The following NXPH1 variants were observed in gnomAD, a reference collection of about 807,000 sequenced individuals.
NXPH1 encodes the protein neurexophilin 1.
Under a neutral mutation model 23.7 loss-of-function variants are expected in NXPH1, and 5 were observed. That is an observed-to-expected ratio of 0.21 (90% confidence interval 0.11 to 0.44). The LOEUF (loss-of-function observed/expected upper bound fraction) is 0.44, where lower values mean the gene tolerates loss of function less well. Among genes scored for constraint, NXPH1 ranks in the 20% least tolerant of loss-of-function variants. The probability of loss-of-function intolerance (pLI) is 0.99; values close to 1 mark genes in which losing one functional copy is unlikely to be tolerated. For synonymous variants in NXPH1, 144 were observed against 122.2 expected (o/e 1.18, Z -1.18); for missense variants, 324 against 321.6 (o/e 1.01, Z -0.06).
At chr7:8,499,567 A>G (rs558582064) in intron 2 of NXPH1, among the ~76,000 whole-genome samples, 1 of 152,230 alleles carries the variant, frequency 6.6e-6, no homozygotes, top group Non-Finnish European at 1.5e-5. Flanking sequence ...GTGCAAAAAT[A>G]AGGGTACAAG....
chr7:8,622,622 A>T (rs531777727), intron 2 of NXPH1, among the ~76,000 whole-genome samples: 7 of 152,286 alleles, frequency 4.6e-5, no homozygotes, highest in African/African-American at 1.4e-4. Flanking sequence ...TTCAAACTGA[A>T]AGTTTGAATT....
intron 2 of NXPH1, among the ~76,000 whole-genome samples, chr7:8,611,318 C>A (rs954032651): frequency 6.6e-6 from 1 of 152,164 alleles, no homozygotes; most frequent in South Asian, 2.1e-4. Flanking sequence ...TTTCAATTAC[C>A]TCTGTCTTCC....
chr7:8,440,859 T>C (rs1816284517), intron 2 of NXPH1, among the ~76,000 whole-genome samples: 1 of 152,184 alleles, frequency 6.6e-6, no homozygotes, highest in Admixed American at 6.5e-5. Context: ...AAGGTGCTTG[T>C]CAGCTTCACC....
At chr7:8,492,353 C>T (rs1584191246) in intron 2 of NXPH1, among the ~76,000 whole-genome samples, 1 of 151,966 alleles carries the variant, frequency 6.6e-6, no homozygotes, top group Non-Finnish European at 1.5e-5. Flanking sequence ...TCTGAGTTTG[C>T]TTTTGATTTA....
intron 2 of NXPH1, among the ~76,000 whole-genome samples, chr7:8,649,060 C>G (rs1222193985): frequency 1.3e-5 from 2 of 151,180 alleles, no homozygotes; most frequent in Admixed American, 6.6e-5. Flanking sequence ...ACACCTTTTT[C>G]CTTTTGATGG....
intron 2 of NXPH1, among the ~76,000 whole-genome samples, chr7:8,701,311 T>C (rs532863583): frequency 5.3e-5 from 8 of 152,228 alleles, no homozygotes; most frequent in African/African-American, 1.7e-4. Context: ...GGGATCCTTC[T>C]TTCCATAGAA....
At chr7:8,668,782 T>C (rs1820820721) in intron 2 of NXPH1, among the ~76,000 whole-genome samples, 1 of 151,818 alleles carries the variant, frequency 6.6e-6, no homozygotes, top group African/African-American at 2.4e-5. Flanking sequence ...GGGGCAAGTA[T>C]GGCTTCTGGG....
intron 2 of NXPH1, among the ~76,000 whole-genome samples, chr7:8,491,331 C>T (rs1277480414): frequency 1.3e-5 from 2 of 151,898 alleles, no homozygotes; most frequent in African/African-American, 4.8e-5. Flanking sequence ...TCATTTTGCC[C>T]ATATTGCAAA....
intron 2 of NXPH1, among the ~76,000 whole-genome samples, chr7:8,451,517 G>T (rs1034043572): frequency 6.6e-6 from 1 of 152,142 alleles, no homozygotes; most frequent in African/African-American, 2.4e-5. Context: ...ACATTATTTT[G>T]TTTATTGAAT....
intron 2 of NXPH1, among the ~76,000 whole-genome samples, chr7:8,662,189 T>C (rs4725115): frequency 0.7 from 105,862 of 150,646 alleles, 37,773 homozygotes; most frequent in East Asian, 1. Flanking sequence ...TATATATATA[T>C]ACACACATAT....
At chr7:8,485,135 A>G (rs1308646479) in intron 2 of NXPH1, among the ~76,000 whole-genome samples, 2 of 152,166 alleles carry the variant, frequency 1.3e-5, no homozygotes, top group African/African-American at 4.8e-5. Flanking sequence ...CAATTCAATC[A>G]CGTGGGCAGG....
chr7:8,658,671 G>A (rs1330779357), intron 2 of NXPH1, among the ~76,000 whole-genome samples: 1 of 152,074 alleles, frequency 6.6e-6, no homozygotes, highest in Non-Finnish European at 1.5e-5. Flanking sequence ...ATATCACAGT[G>A]TATTTATAAA....
intron 2 of NXPH1, among the ~76,000 whole-genome samples, chr7:8,497,081 A>G (rs1584193735): frequency 6.6e-6 from 1 of 152,214 alleles, no homozygotes; most frequent in East Asian, 1.9e-4. Flanking sequence ...CTCATTGTTC[A>G]GTTCCCACCT....
At chr7:8,516,340 A>C (rs17404850) in intron 2 of NXPH1, among the ~76,000 whole-genome samples, 10,070 of 152,192 alleles carry the variant, frequency 0.066, 460 homozygotes, top group Middle Eastern at 0.15. Context: ...CTCGTACCTT[A>C]AGGCAATAGA....
intron 2 of NXPH1, among the ~76,000 whole-genome samples, chr7:8,622,997 G>T (rs759924884): frequency 6.6e-6 from 1 of 152,160 alleles, no homozygotes. Flanking sequence ...TCCTTGAGGG[G>T]AGGACTTGGA....
At chr7:8,688,323 G>A (rs1465790429) in intron 2 of NXPH1, among the ~76,000 whole-genome samples, 4 of 151,918 alleles carry the variant, frequency 2.6e-5, no homozygotes, top group African/African-American at 7.3e-5. Flanking sequence ...TTATAAATTC[G>A]TTTACATATC....
chr7:8,571,803 T>G (rs73678056), intron 2 of NXPH1, among the ~76,000 whole-genome samples: 7,495 of 151,812 alleles, frequency 0.049, 260 homozygotes, highest in East Asian at 0.15. Context: ...TCCATAGACT[T>G]GGCAGGAATT....
intron 2 of NXPH1, among the ~76,000 whole-genome samples, chr7:8,687,077 C>G (rs1293965977): frequency 6.6e-6 from 1 of 151,966 alleles, no homozygotes; most frequent in Non-Finnish European, 1.5e-5. Context: ...AACAAGACAC[C>G]CTTTTGACTT....
intron 2 of NXPH1, among the ~76,000 whole-genome samples, chr7:8,715,471 T>G (rs893430406): frequency 3.9e-5 from 6 of 152,114 alleles, no homozygotes; most frequent in Non-Finnish European, 5.9e-5. Context: ...GGAGGACAAT[T>G]GGGTGTCAGG....
Sources: gnomAD v4.1 joint callset for allele counts (sites outside exome capture counted in the v4.1 genomes callset) on GRCh38, gnomAD v4.1.1 for gene constraint, MANE v1.5 for transcripts, NCBI Gene and HGNC (gene_info 2026-07-23, HGNC 2026-07-21) for gene names.